Variants in LAMA4 observed in about 807,000 individuals in gnomAD.
The protein encoded by LAMA4 is laminin subunit alpha 4.
In LAMA4, 127 loss-of-function variants were observed where a neutral mutation model predicts 207.1. The observed-to-expected ratio is 0.61, with a 90% CI of 0.53 to 0.71. The LOEUF (loss-of-function observed/expected upper bound fraction) is 0.71. Among genes scored for constraint, LAMA4 ranks in the 30% least tolerant of loss-of-function variants. The probability of loss-of-function intolerance (pLI) is 0.00; values close to 1 mark genes in which losing one functional copy is unlikely to be tolerated. For synonymous variants in LAMA4, 761 were observed against 816.0 expected, an observed-to-expected ratio of 0.93 and a Z score of 1.15; for missense variants, 2,093 against 2,246.5, an observed-to-expected ratio of 0.93 and a Z score of 1.38.
chr6:112,161,556 A>G (rs1370242200), intron 13 of LAMA4, among the ~76,000 whole-genome samples: 1 of 152,144 alleles, frequency 6.6e-6, no homozygotes, highest in Non-Finnish European at 1.5e-5. Flanking sequence ...TGGACCAGGA[A>G]CTCTTCTGGG....
intron 10 of LAMA4, among the ~76,000 whole-genome samples, chr6:112,176,257 G>T (rs2157544): frequency 0.66 from 100,450 of 152,100 alleles, 33,624 homozygotes; most frequent in East Asian, 0.83. Context: ...ACTGAAATAC[G>T]TCTTTGAATC....
intron 2 of LAMA4, among the ~76,000 whole-genome samples, chr6:112,243,887 G>A (rs972915802): frequency 2.6e-5 from 4 of 151,834 alleles, no homozygotes; most frequent in Non-Finnish European, 1.5e-5. Context: ...GTGAAACCCT[G>A]TCTCTACCAA....
intron 12 of LAMA4, among the ~76,000 whole-genome samples, chr6:112,166,749 A>G (rs1279159079): frequency 6.6e-6 from 1 of 152,254 alleles, no homozygotes. Flanking sequence ...ACAAATAAAG[A>G]TATTTCCACA....
chr6:112,149,195 C>T (rs1190592681), intron 17 of LAMA4, among the ~76,000 whole-genome samples: 1 of 151,590 alleles, frequency 6.6e-6, no homozygotes, highest in Non-Finnish European at 1.5e-5. Flanking sequence ...TTTAGCCTCA[C>T]ATATTCTGGA....
At chr6:112,228,552 G>A (rs1785360389) in intron 2 of LAMA4, among the ~76,000 whole-genome samples, 1 of 152,168 alleles carries the variant, frequency 6.6e-6, no homozygotes. Context: ...AAGGGAGCAA[G>A]GAATGGAGAG....
chr6:112,148,493 AT>A, intron 17 of LAMA4, among the ~76,000 whole-genome samples, 157 bp from the exon 18 acceptor site: 1 of 152,354 alleles, frequency 6.6e-6, no homozygotes, highest in Non-Finnish European at 1.5e-5. Flanking sequence ...CACCGAAAAC[AT>A]TTCCAAATTA....
At position 112,139,151 on chromosome 6, in the gene LAMA4, T is replaced by G; in HGVS notation, c.3251A>C (p.Asp1084Ala). 1 of 1,614,202 alleles carries G rather than the reference T, an allele frequency of 6.2e-7. No individual in the cohort carries two copies. The highest frequency in any genetic ancestry group is 8.5e-7 in the Non-Finnish European group (1 of 1,180,006). The part of the protein sequence containing the change: ...RFDIEVRTPA[D>A]NGLILLMVNG... Reference sequence around the variant, plus strand: ...GACCATCAGGAGAATAAGGCCGTTGTCAGCTGGTGTTCGAACTTCTATGTC... The same window carrying G: ...GACCATCAGGAGAATAAGGCCGTTGGCAGCTGGTGTTCGAACTTCTATGTC... Residue 1084 changes from aspartate (D) to alanine (A), a missense_variant, in exon 24 of 39, where the codon GAC becomes GCC. Transcript: ENST00000230538.
At chr6:112,119,374 G>GT in intron 33 of LAMA4, 63 bp from the exon 34 acceptor site, 1 of 1,557,486 alleles carries the variant, frequency 6.4e-7, no homozygotes, top group Non-Finnish European at 8.8e-7. Context: ...AAAAGGCTGT[G>GT]TTTCCTCTTC....
rs1780615176 is a variant in LAMA4, at chr6:112,154,907, T to C, written c.2000A>G (p.Asp667Gly). Residue 667 changes from aspartate (D) to glycine (G), a missense_variant, in exon 16 of 39, where the codon GAT becomes GGT. Around this residue, in one of 3 missense-constraint regions of LAMA4, gnomAD observed 1,704 missense variants for 1,788.4 expected, o/e 0.95. Coordinates refer to ENST00000230538, the MANE Select transcript of LAMA4 (RefSeq NM_001105206.3). ...GIDTQIIYHKDESENLLNQAR... is the reference protein window; with the variant it reads ...GIDTQIIYHKGESENLLNQAR... ...TTGATTGAGGAGGTTCTCACTTTCA[T>C]CTTTATGGTAAATGATTTGAGTATC... 3.7e-6 allele frequency: 6 copies of C among 1,613,638 alleles called. No individual in the cohort carries two copies. Among genetic ancestry groups the C allele is most frequent in the East Asian group, 2.2e-5 (1 of 44,864 alleles).
intron 5 of LAMA4, among the ~76,000 whole-genome samples, chr6:112,195,268 T>C (rs3777929): frequency 0.6 from 91,173 of 151,980 alleles, 29,121 homozygotes; most frequent in African/African-American, 0.83. Flanking sequence ...AAGTAGGTGC[T>C]ATGTAAATGC....
chr6:112,229,891 C>T (rs554566323), intron 2 of LAMA4, among the ~76,000 whole-genome samples: 1 of 152,236 alleles, frequency 6.6e-6, no homozygotes, highest in African/African-American at 2.4e-5. Flanking sequence ...GTCAACTAGT[C>T]AATTTTGATA....
At chr6:112,186,228 G>A (rs2114934837) in intron 8 of LAMA4, among the ~76,000 whole-genome samples, 1 of 152,336 alleles carries the variant, frequency 6.6e-6, no homozygotes, top group East Asian at 1.9e-4. Flanking sequence ...AACAGCTCAT[G>A]AGATAGAGGC....
intron 2 of LAMA4, among the ~76,000 whole-genome samples, chr6:112,226,775 C>G (rs939242902): frequency 3.9e-5 from 6 of 152,144 alleles, no homozygotes; most frequent in African/African-American, 1.4e-4. Context: ...AGCAATTAGG[C>G]AAATTTCACA....
intron 3 of LAMA4, among the ~76,000 whole-genome samples, chr6:112,210,799 A>G (rs1305535282): frequency 6.6e-6 from 1 of 152,200 alleles, no homozygotes; most frequent in Non-Finnish European, 1.5e-5. Flanking sequence ...ATTAAGCCAG[A>G]TATTAAACAT....
chr6:112,240,806 G>T (rs1034848267), intron 2 of LAMA4, among the ~76,000 whole-genome samples: 1 of 151,924 alleles, frequency 6.6e-6, no homozygotes, highest in Non-Finnish European at 1.5e-5. Flanking sequence ...GGACACTTAG[G>T]TTGCCTCCAA....
intron 2 of LAMA4, 129 bp from the exon 3 acceptor site, chr6:112,216,598 TA>T (rs1483661727): frequency 1.4e-6 from 1 of 710,504 alleles, no homozygotes; most frequent in African/African-American, 1.8e-5. Flanking sequence ...TACTAAATGA[TA>T]CATACAAAAC....
In LAMA4 at chr6:112,228,828, TG is replaced by T. The variant is rs562816547; in HGVS notation, c.196-12360del. Among the ~76,000 whole-genome samples, 41 of 152,284 alleles carry T rather than the reference TG, an allele frequency of 2.7e-4. 1 individual carries two copies. The South Asian group carries it at 6.8e-3, about 25-fold the overall frequency. On this transcript the variant is annotated intron_variant, in intron 2 of 38. Transcript: ENST00000230538. ...AAGGGAGCTTGTGTGCTGTAGCCTT[TG>T]GGCATCAGTCTCTTGAGGCAGGGGC...
At chr6:112,160,132 C>T (rs1554337996) in intron 13 of LAMA4, among the ~76,000 whole-genome samples, 1 of 152,116 alleles carries the variant, frequency 6.6e-6, no homozygotes, top group African/African-American at 2.4e-5. Context: ...TTTATGTTTC[C>T]ACCTGTTTAG....
Position 112,204,612 on chromosome 6 carries a change from C to A in LAMA4, c.422+2409G>T, listed in dbSNP as rs144519891. Among the ~76,000 whole-genome samples the A allele has an allele frequency of 2.7e-3, 413 of 152,104 alleles. 4 individuals are homozygous for A. The highest frequency in any genetic ancestry group is 4.0e-3 in the Non-Finnish European group (275 of 68,014). ...AGGTAATATATTTAACAATATATACCATGGCAAGAGAACTGTGCTAAATAT... is the reference window on the plus strand; with the variant it reads ...AGGTAATATATTTAACAATATATACAATGGCAAGAGAACTGTGCTAAATAT... On this transcript the variant is annotated intron_variant, in intron 4 of 38. Transcript: ENST00000230538.
Sources: gnomAD v4.1 joint callset for allele counts (sites outside exome capture counted in the v4.1 genomes callset) on GRCh38, gnomAD v4.1.1 for gene constraint, gnomAD v4.1.1 regional missense constraint, MANE v1.5 for transcripts, NCBI Gene and HGNC (gene_info 2026-07-23, HGNC 2026-07-21) for gene names.